Variants in SMYD3 observed in about 807,000 individuals in gnomAD.
SMYD3 encodes the protein histone-lysine N-methyltransferase SMYD3.
In SMYD3, 36 loss-of-function variants were observed where a neutral mutation model predicts 57.7. The ratio of observed to expected loss-of-function variants is 0.62; its 90% CI spans 0.48 to 0.82. SMYD3 has a LOEUF of 0.82. SMYD3 is among the 40% of genes least tolerant of loss of function. The pLI, the probability that SMYD3 is intolerant of heterozygous loss-of-function variation, is 0.00. For synonymous variants in SMYD3, 211 were observed against 195.0 expected (o/e 1.08, Z -0.68); for missense variants, 515 against 538.8 (o/e 0.96, Z 0.44).
At chr1:245,831,972 C>T (rs2049860006) in intron 10 of SMYD3, among the ~76,000 whole-genome samples, 1 of 152,200 alleles carries the variant, frequency 6.6e-6, no homozygotes, top group Non-Finnish European at 1.5e-5. Context: ...TAACAGATAT[C>T]AGTTTCCTAA....
Position 246,209,668 on chromosome 1 carries a change from C to T in SMYD3, c.531+117533G>A, listed in dbSNP as rs184566397. ...TCAGTGAAAGGCAGTTTGAAATTTC[C>T]GTCTTAGTGGTTTGTACTGCAGAAC... On this transcript the variant is annotated intron_variant, in intron 5 of 11. Coordinates refer to ENST00000490107, the MANE Select transcript of SMYD3 (RefSeq NM_001167740.2). Among the ~76,000 whole-genome samples the T allele has an allele frequency of 1.3e-4, 20 of 151,964 alleles. No individual in the cohort carries two copies. The East Asian group carries it at 3.1e-3, about 24-fold the overall frequency.
intron 10 of SMYD3, among the ~76,000 whole-genome samples, chr1:245,775,731 TAAAAA>T (rs68076065): frequency 7.3e-6 from 1 of 137,708 alleles, no homozygotes. Flanking sequence ...AAAAAAAAAA[TAAAAA>T]AAATAAATGG....
intron 5 of SMYD3, among the ~76,000 whole-genome samples, chr1:246,094,133 C>T (rs1197060861): frequency 6.6e-6 from 1 of 151,526 alleles, no homozygotes; most frequent in Admixed American, 6.6e-5. Context: ...GGGGCAGCTG[C>T]CTGCGGGAGA....
chr1:245,795,658 A>G (rs925320443), intron 10 of SMYD3, among the ~76,000 whole-genome samples: 6 of 152,052 alleles, frequency 3.9e-5, no homozygotes, highest in African/African-American at 1.4e-4. Context: ...GACTTTCTCT[A>G]CAACCTCACC....
chr1:246,033,765 C>T (rs1483255904), intron 5 of SMYD3, among the ~76,000 whole-genome samples: 8 of 152,086 alleles, frequency 5.3e-5, no homozygotes, highest in Non-Finnish European at 7.4e-5. Context: ...CCAGCCTGGG[C>T]AACAGAGTGA....
At chr1:246,219,576 G>T (rs1284155208) in intron 5 of SMYD3, among the ~76,000 whole-genome samples, 1 of 152,144 alleles carries the variant, frequency 6.6e-6, no homozygotes, top group Non-Finnish European at 1.5e-5. Flanking sequence ...AGACAAAAAG[G>T]TTGTCACACT....
chr1:246,175,244 T>C (rs1159061418), intron 5 of SMYD3, among the ~76,000 whole-genome samples: 1 of 152,186 alleles, frequency 6.6e-6, no homozygotes, highest in Non-Finnish European at 1.5e-5. Flanking sequence ...AATATCCCTT[T>C]ATATTGCACC....
chr1:245,859,128 T>C (rs1009549305), intron 9 of SMYD3, among the ~76,000 whole-genome samples: 2 of 152,230 alleles, frequency 1.3e-5, no homozygotes, highest in African/African-American at 4.8e-5. Context: ...TGTTTGCTTC[T>C]GTGTTACCTG....
rs1316213148 is a variant in SMYD3, at chr1:245,819,200, GA to G, written c.1076+39295del. Among the ~76,000 whole-genome samples the G allele has an allele frequency of 2.9e-5, 4 of 138,148 alleles. No individual in the cohort carries two copies. In the Admixed American group the frequency reaches 3.0e-4, roughly 10 times the overall value. 90.6% of individuals were successfully genotyped at this position (138,148 alleles called of 152,430 possible). ...AGAAATTATAACAAACTATCTCTCA[GA>G]CCACAGTGCAATCAAACTAGAACTC... On this transcript the variant is annotated intron_variant, in intron 10 of 11. Coordinates refer to ENST00000490107, the MANE Select transcript of SMYD3 (RefSeq NM_001167740.2).
At chr1:246,447,175 A>G (rs1181981076) in intron 1 of SMYD3, among the ~76,000 whole-genome samples, 2 of 152,218 alleles carry the variant, frequency 1.3e-5, no homozygotes, top group African/African-American at 2.4e-5. Flanking sequence ...ATGTATTGTT[A>G]TAACATTTCC....
At chr1:246,018,853 C>T (rs1001025283) in intron 5 of SMYD3, among the ~76,000 whole-genome samples, 6 of 151,964 alleles carry the variant, frequency 3.9e-5, no homozygotes, top group African/African-American at 1.5e-4. Flanking sequence ...ATCCTCCTGC[C>T]TTGGCCTCCC....
At chr1:245,881,801 T>A (rs915102353) in intron 8 of SMYD3, among the ~76,000 whole-genome samples, 6 of 152,138 alleles carry the variant, frequency 3.9e-5, no homozygotes, top group African/African-American at 1.4e-4. Context: ...GGAGGTAAGG[T>A]TGAAGCCACG....
chr1:246,142,731 A>C (rs1034807583), intron 5 of SMYD3, among the ~76,000 whole-genome samples: 2 of 152,230 alleles, frequency 1.3e-5, no homozygotes, highest in Admixed American at 6.5e-5. Context: ...AAAGGTAACT[A>C]AAAGCACAGA....
intron 5 of SMYD3, among the ~76,000 whole-genome samples, chr1:246,053,268 G>A (rs984772336): frequency 2.6e-5 from 4 of 151,900 alleles, no homozygotes; most frequent in Non-Finnish European, 5.9e-5. Context: ...TCTCCCCTAA[G>A]TGATCTACAT....
At chr1:246,502,091 T>C (rs10802415) in intron 1 of SMYD3, among the ~76,000 whole-genome samples, 96,652 of 151,212 alleles carry the variant, frequency 0.64, 31,171 homozygotes, top group East Asian at 0.89. Flanking sequence ...TTACCCTTTA[T>C]TGCCTGGTCA....
chr1:246,025,822 G>A (rs181750190), intron 5 of SMYD3: 1 of 152,360 alleles, frequency 6.6e-6, no homozygotes, highest in African/African-American at 2.4e-5. Flanking sequence ...CTATATGTGA[G>A]AGTCCCAAGT....
At chr1:246,373,780 A>G (rs2148734653) in intron 1 of SMYD3, among the ~76,000 whole-genome samples, 1 of 152,358 alleles carries the variant, frequency 6.6e-6, no homozygotes, top group East Asian at 1.9e-4. Context: ...CAGATAAAGT[A>G]AAACTTTATT....
At chr1:246,245,499 G>A (rs1433231705) in intron 5 of SMYD3, among the ~76,000 whole-genome samples, 1 of 152,026 alleles carries the variant, frequency 6.6e-6, no homozygotes, top group Admixed American at 6.6e-5. Flanking sequence ...TTTGAAACAT[G>A]TAGATCCTCT....
intron 5 of SMYD3, among the ~76,000 whole-genome samples, chr1:246,076,950 AGAAAG>A (rs2060560068): frequency 2.0e-5 from 3 of 152,228 alleles, no homozygotes; most frequent in African/African-American, 7.2e-5. Context: ...TCATGAAAGC[AGAAAG>A]GAGAGAGACA....
Sources: allele counts gnomAD v4.1 joint callset (sites outside exome capture counted in the v4.1 genomes callset), GRCh38; gene constraint gnomAD v4.1.1; transcripts MANE v1.5; gene names NCBI Gene and HGNC (gene_info 2026-07-23, HGNC 2026-07-21).